Variants in GRHL2 observed in about 807,000 individuals in gnomAD.
The protein encoded by GRHL2 is grainyhead-like protein 2 homolog.
A neutral mutation model predicts 83.8 loss-of-function variants in GRHL2; 21 were observed. That is an observed-to-expected ratio of 0.25 (90% CI 0.18 to 0.36). GRHL2 has a LOEUF of 0.36. Among genes scored for constraint, GRHL2 ranks in the 10% least tolerant of loss-of-function variants. GRHL2 has a pLI of 1.00. For missense variants in GRHL2, 623 were observed against 781.8 expected, an observed-to-expected ratio of 0.80 and a Z score of 2.42; for synonymous variants, 280 against 278.9, an observed-to-expected ratio of 1.00 and a Z score of -0.04.
chr8:101,674,592 G>A (rs968465878), downstream of GRHL2, among the ~76,000 whole-genome samples: 3 of 152,160 alleles, frequency 2.0e-5, no homozygotes, highest in African/African-American at 7.2e-5. Flanking sequence ...AAAAAGTCCA[G>A]GACCAGATGG....
intron 8 of GRHL2, among the ~76,000 whole-genome samples, chr8:101,609,104 C>T (rs1246571012): frequency 2.0e-5 from 3 of 150,012 alleles, no homozygotes; most frequent in African/African-American, 7.5e-5. Flanking sequence ...GTGGGCAAAA[C>T]AGGGTGAAGT....
intron 14 of GRHL2, among the ~76,000 whole-genome samples, chr8:101,652,343 G>GA (rs1813648209): frequency 1.3e-5 from 1 of 75,400 alleles, no homozygotes; most frequent in African/African-American, 8.3e-5. Flanking sequence ...GTGTGTGTAT[G>GA]TGTGTGGTGT....
chr8:101,586,362 C>G (rs1812171445), intron 7 of GRHL2, among the ~76,000 whole-genome samples: 1 of 151,926 alleles, frequency 6.6e-6, no homozygotes, highest in African/African-American at 2.4e-5. Context: ...ACTATTTTTT[C>G]CTACTTACTT....
At chr8:101,493,114 G>A (rs1043151750) in intron 1 of GRHL2, among the ~76,000 whole-genome samples, 9 of 152,152 alleles carry the variant, frequency 5.9e-5, no homozygotes, top group Admixed American at 2.0e-4. Flanking sequence ...GTAGATGGGC[G>A]CGGGAGGCCT....
chr8:101,533,131 T>C (rs951000175), intron 1 of GRHL2, among the ~76,000 whole-genome samples: 1 of 152,080 alleles, frequency 6.6e-6, no homozygotes, highest in Non-Finnish European at 1.5e-5. Context: ...AATAGAAGAA[T>C]GAATCTCCAC....
intron 3 of GRHL2, 96 bp from the exon 4 acceptor site, chr8:101,558,323 A>T: frequency 7.1e-7 from 1 of 1,415,860 alleles, no homozygotes; most frequent in South Asian, 1.2e-5. Flanking sequence ...TGGCATTAAC[A>T]TCCAATGATT....
chr8:101,562,345 C>T (rs1811624704), intron 4 of GRHL2: 4 of 658,910 alleles, frequency 6.1e-6, no homozygotes, highest in African/African-American at 1.8e-5. Context: ...GTTCACCTAG[C>T]TTTGGAGGAT....
intron 8 of GRHL2, among the ~76,000 whole-genome samples, chr8:101,615,806 T>C (rs947693432): frequency 6.6e-6 from 1 of 152,168 alleles, no homozygotes; most frequent in Admixed American, 6.5e-5. Flanking sequence ...CCATAACCAG[T>C]GCATCTATGC....
intron 9 of GRHL2, among the ~76,000 whole-genome samples, chr8:101,621,602 A>C (rs1180119813): frequency 1.3e-5 from 2 of 152,158 alleles, no homozygotes; most frequent in Non-Finnish European, 2.9e-5. Flanking sequence ...AAGAAAGATA[A>C]AGATGTAATA....
chr8:101,615,301 G>A (rs780449314), intron 8 of GRHL2, among the ~76,000 whole-genome samples: 1 of 152,106 alleles, frequency 6.6e-6, no homozygotes, highest in Non-Finnish European at 1.5e-5. Context: ...AATCCATCAC[G>A]TCGGCTCTTA....
intron 4 of GRHL2, chr8:101,562,386 T>C: frequency 1.6e-6 from 1 of 645,104 alleles, no homozygotes; most frequent in African/African-American, 1.8e-5. Context: ...TTATGACATT[T>C]AGATTTGCAA....
chr8:101,512,963 C>T (rs1289208878), intron 1 of GRHL2, among the ~76,000 whole-genome samples: 1 of 152,180 alleles, frequency 6.6e-6, no homozygotes, highest in African/African-American at 2.4e-5. Context: ...CTGGCCTCTC[C>T]ACCTCTAAAT....
chr8:101,644,703 C>T (rs1813473678), intron 13 of GRHL2, among the ~76,000 whole-genome samples: 1 of 152,192 alleles, frequency 6.6e-6, no homozygotes, highest in Admixed American at 6.5e-5. Context: ...TGACTGTGCC[C>T]ATGTCTTGCC....
At chr8:101,592,556 G>A (rs573341994) in intron 7 of GRHL2, among the ~76,000 whole-genome samples, 1 of 152,276 alleles carries the variant, frequency 6.6e-6, no homozygotes. Context: ...CTCTACCTGA[G>A]ACCTTGCTAG....
intron 1 of GRHL2, among the ~76,000 whole-genome samples, chr8:101,493,142 TTAGCTGC>T (rs1177501869): frequency 2.0e-5 from 3 of 151,944 alleles, no homozygotes; most frequent in Admixed American, 1.3e-4. Flanking sequence ...CCTCTCTGTT[TTAGCTGC>T]TCCCACCGAT....
In GRHL2 at chr8:101,614,651, G is replaced by A. The variant is rs1468292737; in HGVS notation, c.1099-4888G>A. ...CTCTAATACATATTTACAAACAAGT[G>A]CTTTGTAGATACACTTCCAAGTAAT... On this transcript the variant is annotated intron_variant, in intron 8 of 15. Coordinates refer to ENST00000646743, the MANE Select transcript of GRHL2 (RefSeq NM_024915.4). Among the ~76,000 whole-genome samples the A allele has an allele frequency of 3.9e-5, 6 of 152,162 alleles. No individual in the cohort carries two copies. In the East Asian group the frequency reaches 1.2e-3, roughly 29 times the overall value.
At position 101,509,135 on chromosome 8, in the gene GRHL2, TTCCTTCCTTCCTTCCTTCCTTC is replaced by T. The variant is rs1810402365; in HGVS notation, c.20+16347_20+16368del. ...CTTCCTTCCTTCCTTCCTTCCTTCC[TTCCTTCCTTCCTTCCTTCCTTC>T]CTTTCTTTCTTTCTTTTTCTTTCTT... On this transcript the variant is annotated intron_variant, in intron 1 of 15. Coordinates refer to ENST00000646743, the MANE Select transcript of GRHL2 (RefSeq NM_024915.4). 2.8e-5 allele frequency among the ~76,000 whole-genome samples: 2 copies of T among 70,662 alleles called. 1 individual carries two copies. Among genetic ancestry groups the T allele is most frequent in the Admixed American group, 2.4e-4 (2 of 8,248 alleles). The allele number at this position is 70,662 out of a possible 152,430, so 46.4% of individuals were successfully genotyped here. A position where few individuals can be genotyped will look rare whatever the true frequency, so the allele number is the denominator to read the frequency against.
At chr8:101,644,305 C>T (rs1397958739) in intron 13 of GRHL2, 80 bp downstream of exon 13, 1 of 1,137,492 alleles carries the variant, frequency 8.8e-7, no homozygotes, top group Non-Finnish European at 1.3e-6. Context: ...CCCTCTTGCC[C>T]AGGCCCCCAT....
chr8:101,625,835 T>C (rs145329816), intron 9 of GRHL2, among the ~76,000 whole-genome samples: 3 of 152,018 alleles, frequency 2.0e-5, no homozygotes, highest in Non-Finnish European at 4.4e-5. Context: ...TCCAAGTGAG[T>C]AGTGATGTCA....
Sources: gnomAD v4.1 joint callset for allele counts (sites outside exome capture counted in the v4.1 genomes callset) on GRCh38, gnomAD v4.1.1 for gene constraint, MANE v1.5 for transcripts, NCBI Gene and HGNC (gene_info 2026-07-23, HGNC 2026-07-21) for gene names.